INSRR: variants seen among roughly 807,000 people sequenced by gnomAD.
INSRR encodes insulin receptor related receptor.
Under a neutral mutation model 130.0 loss-of-function variants are expected in INSRR, and 114 were observed. That is an observed-to-expected ratio of 0.88 (90% confidence interval 0.75 to 1.02). INSRR has a LOEUF of 1.02. INSRR is among the 50% of genes least tolerant of loss of function. The probability of loss-of-function intolerance (pLI) is 0.00; values close to 1 mark genes in which losing one functional copy is unlikely to be tolerated. For missense variants in INSRR, 1,657 were observed against 1,735.2 expected (o/e 0.95, Z 0.80); for synonymous variants, 674 against 705.2 (o/e 0.96, Z 0.70).
At position 156,854,484 on chromosome 1, in the gene INSRR, G is replaced by A. The variant is rs369340125; in HGVS notation, c.86-181C>T. Among the ~76,000 whole-genome samples the A allele has an allele frequency of 2.0e-4, 31 of 152,160 alleles. No homozygotes were observed. In the East Asian group the frequency reaches 5.0e-3, roughly 25 times the overall value. ...GGAGGGCTCACCTGCAGCCTGCAGG[G>A]TCTCTACCAGATGAGCCACACAGGC... On this transcript the variant is annotated intron_variant, in intron 1 of 21. Coordinates refer to ENST00000368195, the MANE Select transcript of INSRR (RefSeq NM_014215.3). This position sits in a 1 kb window ranked among gnomAD's most constrained non-coding sequence, Gnocchi z 4.2.
Position 156,842,157 on chromosome 1 carries a change from C to A in INSRR, c.3352G>T (p.Ala1118Ser), listed in dbSNP as rs2102853641. The change falls in exon 19 of 22, where the codon GCC (alanine) becomes TCC (serine). Residue 1118 changes from alanine (A) to serine (S), a missense_variant. Transcript: ENST00000368195. ...ANKFVHRDLA[A>S]RNCMVSQDFT... ...TCCTGGGACACCATGCAGTTGCGGGCTGCTAGATCTCGGTGCACAAACTTG... is the reference window on the plus strand; with the variant it reads ...TCCTGGGACACCATGCAGTTGCGGGATGCTAGATCTCGGTGCACAAACTTG... 1.9e-6 allele frequency: 3 copies of A among 1,614,118 alleles called. No homozygotes were observed. The highest frequency in any genetic ancestry group is 2.5e-6 in the Non-Finnish European group (3 of 1,179,994).
At position 156,846,728 on chromosome 1, in the gene INSRR, C is replaced by G; in HGVS notation, c.1601G>C (p.Gly534Ala). Residue 534 changes from glycine (G) to alanine (A), a missense_variant, in exon 8 of 22, where the codon GGT (glycine) becomes GCT (alanine). Transcript: ENST00000368195. ...SPFQNATEHVGPDACGTQSWN... is the reference protein window; with the variant it reads ...SPFQNATEHVAPDACGTQSWN... ...GCTCTGGGTTCCACAAGCATCTGGA[C>G]CCACGTGCTCTGTGGCGTTCTGGAA... The G allele has an allele frequency of 6.2e-7, 1 of 1,614,070 alleles. No individual in the cohort carries two copies. Among genetic ancestry groups the G allele is most frequent in the Non-Finnish European group, 8.5e-7 (1 of 1,180,022 alleles).
intron 17 of INSRR, 139 bp from the exon 18 acceptor site, chr1:156,842,647 G>A (rs2102854342): frequency 1.5e-6 from 1 of 655,004 alleles, no homozygotes; most frequent in Non-Finnish European, 2.8e-6. Context: ...CCTGACTCCT[G>A]ACCTAACAAT....
chr1:156,849,996 G>A (rs1327485359), intron 5 of INSRR, among the ~76,000 whole-genome samples: 6 of 151,734 alleles, frequency 4.0e-5, no homozygotes, highest in Non-Finnish European at 8.8e-5. Flanking sequence ...TTGACCTCCC[G>A]GGCTCAGGTG....
chr1:156,842,966 T>A (rs1381301364), intron 17 of INSRR, 38 bp downstream of exon 17: 1 of 1,503,518 alleles, frequency 6.7e-7, no homozygotes, highest in Non-Finnish European at 9.2e-7. Flanking sequence ...ACCTTTACAC[T>A]AATTATGACC....
At chr1:156,850,026 T>C (rs2102864650) in intron 5 of INSRR, among the ~76,000 whole-genome samples, 2 of 151,986 alleles carry the variant, frequency 1.3e-5, no homozygotes, top group South Asian at 4.2e-4. Flanking sequence ...CCTCAGTCTC[T>C]TGAGTAGCTG....
In INSRR at chr1:156,841,675, A is replaced by C; in HGVS notation, c.3517T>G (p.Ser1173Ala). The C allele has an allele frequency of 6.2e-7, 1 of 1,613,798 alleles. No homozygotes were observed. Among genetic ancestry groups the C allele is most frequent in the Non-Finnish European group, 8.5e-7 (1 of 1,179,862 alleles). ...CCAGCTCGGCCCCACCAGACATCCGAGTGGGTGGTGAAGATCCCATCTTTG... is the reference window on the plus strand; with the variant it reads ...CCAGCTCGGCCCCACCAGACATCCGCGTGGGTGGTGAAGATCCCATCTTTG... ...SLKDGIFTTH[S>A]DVWSFGVVLW... is the part of the protein sequence containing the mutation. Residue 1173 changes from serine to alanine, a missense_variant, in exon 20 of 22, where the codon TCG becomes GCG. By Grantham distance (99) the Ser-to-Ala change is moderately conservative. Transcript: ENST00000368195.
chr1:156,849,513 G>GA, intron 5 of INSRR, 53 bp from the exon 6 acceptor site: 66 of 486,086 alleles, frequency 1.4e-4, no homozygotes, highest in Admixed American at 2.7e-4. Context: ...CAGGGGGTGG[G>GA]AAAGGGGATG....
chr1:156,843,320 C>T, intron 16 of INSRR, 87 bp from the exon 17 acceptor site: 2 of 1,561,962 alleles, frequency 1.3e-6, no homozygotes, highest in Non-Finnish European at 1.8e-6. Context: ...TTCTGAAGGG[C>T]TCTTGTCCCA....
At chr1:156,855,267 A>G (rs1342382273) in intron 1 of INSRR, among the ~76,000 whole-genome samples, 3 of 151,912 alleles carry the variant, frequency 2.0e-5, no homozygotes, top group Non-Finnish European at 4.4e-5. Context: ...GCAGTGGCAC[A>G]ATCTCAGCTC....
chr1:156,842,360 A>G (rs1365235883), intron 18 of INSRR, 38 bp downstream of exon 18: 1 of 1,612,438 alleles, frequency 6.2e-7, no homozygotes, highest in Non-Finnish European at 8.5e-7. Flanking sequence ...ACTGTGCCCA[A>G]CCCTTCTTTC....
chr1:156,843,885 C>T (rs1654890476), intron 15 of INSRR, among the ~76,000 whole-genome samples: 1 of 152,216 alleles, frequency 6.6e-6, no homozygotes, highest in Non-Finnish European at 1.5e-5. Context: ...AACTCTCACA[C>T]CTGACAGGTG....
At position 156,845,746 on chromosome 1, in the gene INSRR, T is replaced by G; in HGVS notation, c.2047A>C (p.Met683Leu). 1 of 1,613,682 alleles carries G rather than the reference T, an allele frequency of 6.2e-7. No homozygotes were observed. Among genetic ancestry groups the G allele is most frequent in the Non-Finnish European group, 8.5e-7 (1 of 1,179,970 alleles). Residue 683 changes from methionine to leucine, a missense_variant, in exon 10 of 22, where the codon ATG becomes CTG. By Grantham distance (15) the Met-to-Leu change is conservative (BLOSUM62 2). Transcript: ENST00000368195. Reference protein sequence around the residue: ...DGEDGDPEAEMESDCCPCQHP... With the variant: ...DGEDGDPEAELESDCCPCQHP... ...TGGCAAGGGCAGCAGTCGGACTCCA[T>G]CTCGGCCTCAGGATCCCCGTCTTCG...
At position 156,854,463 on chromosome 1, in the gene INSRR, G is replaced by A. The variant is rs879391337; in HGVS notation, c.86-160C>T. ...GTGGCCTCCTTCCTGGGCCCCGGAGGGCTCACCTGCAGCCTGCAGGGTCTC... is the reference window on the plus strand; with the variant it reads ...GTGGCCTCCTTCCTGGGCCCCGGAGAGCTCACCTGCAGCCTGCAGGGTCTC... On this transcript the variant is annotated intron_variant, in intron 1 of 21. Transcript: ENST00000368195. The surrounding 1 kb of genome is among the most constrained non-coding windows in gnomAD (Gnocchi z 4.2). 5.9e-5 allele frequency among the ~76,000 whole-genome samples: 9 copies of A among 152,120 alleles called. No individual in the cohort carries two copies. Among genetic ancestry groups the A allele is most frequent in the Admixed American group, 5.9e-4 (9 of 15,282 alleles).
rs1398812423 is a variant in INSRR at position 156,843,124 on chromosome 1, C to A, written c.3006G>T (p.Glu1002Asp). The A allele has an allele frequency of 5.0e-6, 8 of 1,614,178 alleles. No individual in the cohort carries two copies. Among genetic ancestry groups the A allele is most frequent in the Non-Finnish European group, 6.8e-6 (8 of 1,180,040 alleles). Residue 1002 changes from glutamate (E) to aspartate (D), a missense_variant, in exon 17 of 22, where the codon GAG (glutamate) becomes GAT (aspartate). Coordinates refer to ENST00000368195, the MANE Select transcript of INSRR (RefSeq NM_014215.3). ...CCACGGGTGTGGACTCCTCTCCAGC[C>A]TCAAGTCCTCGTGCCAGCCCCTCAT... ...MVYEGLARGL[E>D]AGEESTPVAL...
chr1:156,846,815 C>T (rs1558087228), intron 7 of INSRR, 58 bp from the exon 8 acceptor site: 9 of 1,393,960 alleles, frequency 6.5e-6, no homozygotes, highest in Non-Finnish European at 7.1e-6. Flanking sequence ...AGTTCTGGCA[C>T]CCCCGCTCTG....
intron 1 of INSRR, among the ~76,000 whole-genome samples, chr1:156,855,773 C>T (rs112656964): frequency 3.0e-4 from 46 of 152,008 alleles, no homozygotes; most frequent in African/African-American, 1.0e-3. Context: ...TGCAGTGAGC[C>T]GTGATCACGC....
At chr1:156,855,370 A>AT (rs1298475780) in intron 1 of INSRR, among the ~76,000 whole-genome samples, 15 of 151,996 alleles carry the variant, frequency 9.9e-5, no homozygotes, top group Non-Finnish European at 1.9e-4. Flanking sequence ...TACCCAGCTA[A>AT]TTTTTTGCAT....
At chr1:156,847,158 A>G (rs796820358) in intron 7 of INSRR, among the ~76,000 whole-genome samples, 13 of 152,356 alleles carry the variant, frequency 8.5e-5, no homozygotes, top group African/African-American at 2.9e-4. Flanking sequence ...CTCCCTTCCC[A>G]GTGTCTTCAC....
Sources: gnomAD v4.1 joint callset for allele counts (sites outside exome capture counted in the v4.1 genomes callset) on GRCh38, gnomAD v4.1.1 for gene constraint, Gnocchi (gnomAD v3.1) non-coding constraint, MANE v1.5 for transcripts, NCBI Gene and HGNC (gene_info 2026-07-23, HGNC 2026-07-21) for gene names.